Variants in PTPRR observed in about 807,000 individuals in gnomAD.
PTPRR encodes protein tyrosine phosphatase receptor type R.
A neutral mutation model predicts 77.2 loss-of-function variants in PTPRR; 38 were observed. The ratio of observed to expected loss-of-function variants is 0.49; its 90% CI spans 0.38 to 0.65. The LOEUF is 0.65. PTPRR is among the 30% of genes least tolerant of loss of function. The pLI is 0.00. For synonymous variants in PTPRR, 299 were observed against 283.1 expected (o/e 1.06, Z -0.57); for missense variants, 744 against 799.2 (o/e 0.93, Z 0.83).
At chr12:70,844,128 C>A (rs765326723) in intron 2 of PTPRR, among the ~76,000 whole-genome samples, 1 of 151,778 alleles carries the variant, frequency 6.6e-6, no homozygotes, top group East Asian at 1.9e-4. Context: ...AAAAAATTAT[C>A]GAATTAGATT....
chr12:70,894,971 G>T (rs1379441798), intron 1 of PTPRR, among the ~76,000 whole-genome samples: 1 of 151,636 alleles, frequency 6.6e-6, no homozygotes, highest in Non-Finnish European at 1.5e-5. Flanking sequence ...TATAATTCAA[G>T]TGGTCCAAAA....
chr12:70,697,885 AT>A (rs1888284837), intron 8 of PTPRR, among the ~76,000 whole-genome samples: 1 of 152,166 alleles, frequency 6.6e-6, no homozygotes, highest in Non-Finnish European at 1.5e-5. Flanking sequence ...GTCTATTGGA[AT>A]TGTGACCTGG....
intron 2 of PTPRR, among the ~76,000 whole-genome samples, chr12:70,822,862 A>C (rs921386933): frequency 6.6e-6 from 1 of 152,042 alleles, no homozygotes; most frequent in Non-Finnish European, 1.5e-5. Flanking sequence ...GGTAGATTAG[A>C]GCGTAATGTT....
chr12:70,861,492 C>T (rs184644423), intron 2 of PTPRR, among the ~76,000 whole-genome samples: 3 of 152,202 alleles, frequency 2.0e-5, no homozygotes, highest in Admixed American at 6.5e-5. Context: ...AGTCATCAGT[C>T]GGATTGTAAA....
At chr12:70,865,968 G>T (rs1435665495) in intron 2 of PTPRR, among the ~76,000 whole-genome samples, 1 of 152,070 alleles carries the variant, frequency 6.6e-6, no homozygotes, top group African/African-American at 2.4e-5. Flanking sequence ...CAGAAATAAA[G>T]ATGTTCTTTG....
At chr12:70,747,271 G>A (rs1272406519) in intron 5 of PTPRR, among the ~76,000 whole-genome samples, 2 of 152,120 alleles carry the variant, frequency 1.3e-5, no homozygotes, top group Non-Finnish European at 2.9e-5. Context: ...GGCTTATTGT[G>A]TTCAGCTAAA....
At chr12:70,724,666 T>A (rs1338531187) in intron 6 of PTPRR, among the ~76,000 whole-genome samples, 1 of 152,142 alleles carries the variant, frequency 6.6e-6, no homozygotes, top group Non-Finnish European at 1.5e-5. Flanking sequence ...TATTGGTAGT[T>A]ACCACTGCTA....
intron 2 of PTPRR, among the ~76,000 whole-genome samples, chr12:70,784,304 C>A (rs1891273967): frequency 6.6e-6 from 1 of 152,208 alleles, no homozygotes; most frequent in Non-Finnish European, 1.5e-5. Flanking sequence ...GCAGGGCTCC[C>A]GCTTATCCCA....
At chr12:70,808,503 C>A (rs1008733466) in intron 2 of PTPRR, among the ~76,000 whole-genome samples, 1 of 152,100 alleles carries the variant, frequency 6.6e-6, no homozygotes, top group Non-Finnish European at 1.5e-5. Flanking sequence ...CCCTTGGACA[C>A]CCAGCTTTAA....
intron 2 of PTPRR, among the ~76,000 whole-genome samples, chr12:70,805,650 AG>A (rs1161259019): frequency 6.6e-6 from 1 of 152,202 alleles, no homozygotes; most frequent in East Asian, 1.9e-4. Context: ...GTTGCCCTTC[AG>A]GGAGGTTGTA....
chr12:70,737,486 ATATCTATC>A lies in PTPRR; in HGVS notation c.1007+8324_1007+8331del, dbSNP rs10643938. Among the ~76,000 whole-genome samples, 701 of 144,234 alleles carry A rather than the reference ATATCTATC, an allele frequency of 4.9e-3. 4 individuals are homozygous for A. The highest frequency in any genetic ancestry group is 0.011 in the East Asian group (54 of 4,752). The allele number at this position is 144,234 out of a possible 152,430, so 94.6% of individuals were successfully genotyped here. A position where few individuals can be genotyped will look rare whatever the true frequency, so the allele number is the denominator to read the frequency against. The stretch of plus-strand genomic sequence containing the variant: ...TTTCGATTATGGGTCTATTTAATGA[ATATCTATC>A]TATCTATCTATCTATCTATCTATCT... On this transcript the variant is annotated intron_variant, in intron 6 of 13. Transcript: ENST00000283228.
At chr12:70,775,593 T>C (rs2136990650) in intron 2 of PTPRR, among the ~76,000 whole-genome samples, 1 of 152,276 alleles carries the variant, frequency 6.6e-6, no homozygotes, top group South Asian at 2.1e-4. Flanking sequence ...CCAGTAAGAG[T>C]CAGGACCACA....
intron 1 of PTPRR, among the ~76,000 whole-genome samples, chr12:70,904,420 G>A (rs959759170): frequency 1.3e-5 from 2 of 151,730 alleles, no homozygotes; most frequent in African/African-American, 4.8e-5. Flanking sequence ...AATATAAAAG[G>A]CATTAAGTTG....
chr12:70,868,103 A>G (rs950254513), intron 2 of PTPRR, among the ~76,000 whole-genome samples: 3 of 152,158 alleles, frequency 2.0e-5, no homozygotes, highest in Non-Finnish European at 4.4e-5. Context: ...AACCTAGGCA[A>G]TACCATTCAC....
At chr12:70,710,883 A>C (rs1202825715) in intron 6 of PTPRR, among the ~76,000 whole-genome samples, 1 of 152,170 alleles carries the variant, frequency 6.6e-6, no homozygotes, top group African/African-American at 2.4e-5. Context: ...GGCTACTATT[A>C]AAAAGTCAAA....
At chr12:70,685,528 T>C (rs1433091316) in intron 8 of PTPRR, among the ~76,000 whole-genome samples, 1 of 148,576 alleles carries the variant, frequency 6.7e-6, no homozygotes, top group Admixed American at 6.7e-5. Flanking sequence ...CTTATGTCTG[T>C]GGTTCCAGCT....
intron 6 of PTPRR, among the ~76,000 whole-genome samples, chr12:70,745,213 C>T (rs12824583): frequency 0.091 from 13,830 of 152,018 alleles, 739 homozygotes; most frequent in South Asian, 0.13. Context: ...TACAGGCATG[C>T]GCCACCTCAC....
intron 2 of PTPRR, among the ~76,000 whole-genome samples, chr12:70,811,382 C>T (rs1291261788): frequency 6.6e-6 from 1 of 152,184 alleles, no homozygotes; most frequent in African/African-American, 2.4e-5. Context: ...TATTTGTAGT[C>T]TGGCTGGTTA....
chr12:70,698,697 A>T, intron 7 of PTPRR, among the ~76,000 whole-genome samples: 1 of 152,206 alleles, frequency 6.6e-6, no homozygotes, highest in East Asian at 1.9e-4. Context: ...ATGTATTCAA[A>T]TATATTCCAG....
Sources: allele counts gnomAD v4.1 joint callset (sites outside exome capture counted in the v4.1 genomes callset), GRCh38; gene constraint gnomAD v4.1.1; transcripts MANE v1.5; gene names NCBI Gene and HGNC (gene_info 2026-07-23, HGNC 2026-07-21).